Variants in SCHIP1 observed in about 807,000 individuals in gnomAD.
The protein encoded by SCHIP1 is schwannomin-interacting protein 1.
In SCHIP1, 8 loss-of-function variants were observed where a neutral mutation model predicts 29.7. That is an observed-to-expected ratio of 0.27 (90% CI 0.16 to 0.49). SCHIP1 has a LOEUF of 0.49. Among genes scored for constraint, SCHIP1 ranks in the 20% least tolerant of loss-of-function variants. The probability of loss-of-function intolerance (pLI) is 0.99; values close to 1 mark genes in which losing one functional copy is unlikely to be tolerated. For synonymous variants in SCHIP1, 76 were observed against 94.9 expected (o/e 0.80, Z 1.16); for missense variants, 193 against 294.6 (o/e 0.66, Z 2.52).
At chr3:159,855,138 T>C (rs1037717697) in intron 1 of SCHIP1, among the ~76,000 whole-genome samples, 1 of 152,250 alleles carries the variant, frequency 6.6e-6, no homozygotes, top group African/African-American at 2.4e-5. Flanking sequence ...TTCATTATGT[T>C]CCGGATCTTA....
the SCHIP1 span, among the ~76,000 whole-genome samples, chr3:159,797,280 T>C: frequency 6.6e-6 from 1 of 152,238 alleles, no homozygotes; most frequent in Non-Finnish European, 1.5e-5. Flanking sequence ...TCTCTTAGGT[T>C]AAAATGTGGA....
chr3:159,600,610 T>G, the SCHIP1 span, among the ~76,000 whole-genome samples: 1 of 152,372 alleles, frequency 6.6e-6, no homozygotes, highest in Middle Eastern at 3.4e-3. Context: ...TTTTCAGAAT[T>G]CTTTTGTATC....
chr3:159,614,802 G>A, the SCHIP1 span, among the ~76,000 whole-genome samples: 1 of 152,164 alleles, frequency 6.6e-6, no homozygotes, highest in African/African-American at 2.4e-5. Context: ...AAATGGAATC[G>A]ACTTTTGTTC....
the SCHIP1 span, among the ~76,000 whole-genome samples, chr3:159,446,310 T>G: frequency 6.6e-6 from 1 of 152,164 alleles, no homozygotes; most frequent in Non-Finnish European, 1.5e-5. Flanking sequence ...TATGTCATAG[T>G]GTGCAACAGG....
At chr3:159,687,107 C>A in the SCHIP1 span, among the ~76,000 whole-genome samples, 1 of 152,134 alleles carries the variant, frequency 6.6e-6, no homozygotes, top group Non-Finnish European at 1.5e-5. Flanking sequence ...AGAAAATTTT[C>A]ACTGGCTGGG....
chr3:159,683,272 G>A, the SCHIP1 span, among the ~76,000 whole-genome samples: 5 of 151,918 alleles, frequency 3.3e-5, no homozygotes, highest in South Asian at 2.1e-4. Context: ...GGCTAGCCTC[G>A]AACTCCTGAT....
the SCHIP1 span, chr3:159,721,752 C>A: frequency 2.2e-6 from 1 of 447,288 alleles, no homozygotes; most frequent in South Asian, 2.0e-5. Flanking sequence ...CGAAGGACGT[C>A]TCACTGTCTT....
chr3:159,453,349 G>T, the SCHIP1 span, among the ~76,000 whole-genome samples: 1 of 152,314 alleles, frequency 6.6e-6, no homozygotes, highest in African/African-American at 2.4e-5. Context: ...AGCCATATGA[G>T]AATGCTCTGT....
chr3:159,564,840 T>C, the SCHIP1 span, among the ~76,000 whole-genome samples: 1 of 152,232 alleles, frequency 6.6e-6, no homozygotes, highest in Non-Finnish European at 1.5e-5. Flanking sequence ...ATTGAATGAT[T>C]ATTCCTGTTC....
the SCHIP1 span, among the ~76,000 whole-genome samples, chr3:159,607,197 C>T: frequency 6.6e-6 from 1 of 152,176 alleles, no homozygotes; most frequent in Non-Finnish European, 1.5e-5. Context: ...TACACATACA[C>T]TTTGCTCTCT....
At chr3:159,478,980 A>G in the SCHIP1 span, among the ~76,000 whole-genome samples, 3 of 152,136 alleles carry the variant, frequency 2.0e-5, no homozygotes, top group Non-Finnish European at 4.4e-5. Context: ...GGTTTTCTCT[A>G]TATAAAATCA....
the SCHIP1 span, among the ~76,000 whole-genome samples, chr3:159,762,015 T>G: frequency 2.0e-5 from 3 of 152,232 alleles, no homozygotes. Context: ...TTTTGTGATC[T>G]AAGCCATGCC....
chr3:159,893,263 T>A (rs368540026), intron 6 of SCHIP1: 3 of 152,254 alleles, frequency 2.0e-5, no homozygotes, highest in African/African-American at 7.2e-5. Context: ...TTTTACATAT[T>A]ATATTGCCTT....
chr3:159,472,976 C>A, the SCHIP1 span, among the ~76,000 whole-genome samples: 2 of 152,204 alleles, frequency 1.3e-5, no homozygotes, highest in East Asian at 3.9e-4. Flanking sequence ...GTAGCAAGGA[C>A]CCTGATTTAC....
chr3:159,550,698 A>G, the SCHIP1 span, among the ~76,000 whole-genome samples: 1 of 152,284 alleles, frequency 6.6e-6, no homozygotes, highest in South Asian at 2.1e-4. Context: ...TGATTGGCAT[A>G]CTAAGGCAAA....
the SCHIP1 span, among the ~76,000 whole-genome samples, chr3:159,300,617 C>T: frequency 6.6e-6 from 1 of 152,208 alleles, no homozygotes; most frequent in Admixed American, 6.5e-5. Flanking sequence ...CACGGAGTTA[C>T]ATCAAAATTC....
At chr3:159,388,019 T>C in the SCHIP1 span, among the ~76,000 whole-genome samples, 2 of 152,132 alleles carry the variant, frequency 1.3e-5, no homozygotes, top group African/African-American at 4.8e-5. Context: ...TGACAAAATA[T>C]TAAGGTAATT....
chr3:159,548,431 T>G, the SCHIP1 span, among the ~76,000 whole-genome samples: 1 of 151,982 alleles, frequency 6.6e-6, no homozygotes, highest in Non-Finnish European at 1.5e-5. Flanking sequence ...ACAGAATCTA[T>G]ATTAATAAAC....
the SCHIP1 span, among the ~76,000 whole-genome samples, chr3:159,552,633 G>A: frequency 6.6e-6 from 1 of 152,164 alleles, no homozygotes. Flanking sequence ...CTAGGACACA[G>A]GATTTTGTGA....
Sources: gnomAD v4.1 joint callset for allele counts (sites outside exome capture counted in the v4.1 genomes callset) on GRCh38, gnomAD v4.1.1 for gene constraint, MANE v1.5 for transcripts, NCBI Gene and HGNC (gene_info 2026-07-23, HGNC 2026-07-21) for gene names.